Variants in SLC24A2 observed in about 807,000 individuals in gnomAD.
SLC24A2 encodes the protein sodium/potassium/calcium exchanger 2.
A neutral mutation model predicts 62.0 loss-of-function variants in SLC24A2; 36 were observed. That is an observed-to-expected ratio of 0.58 (90% CI 0.44 to 0.77). SLC24A2 has a LOEUF of 0.77. SLC24A2 is among the 30% of genes least tolerant of loss of function. The pLI is 0.00. For synonymous variants in SLC24A2, 358 were observed against 294.0 expected (o/e 1.22, Z -2.23); for missense variants, 846 against 817.9 (o/e 1.03, Z -0.42).
intron 2 of SLC24A2, among the ~76,000 whole-genome samples, chr9:19,652,328 T>C (rs1039288404): frequency 6.6e-6 from 1 of 152,128 alleles, no homozygotes; most frequent in Non-Finnish European, 1.5e-5. Context: ...GTGAATATGT[T>C]TGTTTATATG....
chr9:19,923,178 C>T, the SLC24A2 span, among the ~76,000 whole-genome samples: 1 of 152,036 alleles, frequency 6.6e-6, no homozygotes, highest in African/African-American at 2.4e-5. Flanking sequence ...TTTATAAGGC[C>T]TAGAAGCCTT....
chr9:19,769,689 G>A (rs1465348221), intron 2 of SLC24A2, among the ~76,000 whole-genome samples: 1 of 152,150 alleles, frequency 6.6e-6, no homozygotes, highest in African/African-American at 2.4e-5. Context: ...GTGCATTTGT[G>A]CACTACCCAG....
chr9:19,777,727 A>C (rs1822886329), intron 2 of SLC24A2, among the ~76,000 whole-genome samples: 1 of 152,120 alleles, frequency 6.6e-6, no homozygotes, highest in South Asian at 2.1e-4. Flanking sequence ...GTACATATGC[A>C]TGTGTATATG....
At chr9:19,739,475 A>C (rs1821609250) in intron 2 of SLC24A2, among the ~76,000 whole-genome samples, 1 of 152,236 alleles carries the variant, frequency 6.6e-6, no homozygotes, top group Non-Finnish European at 1.5e-5. Flanking sequence ...TGGTATTAGC[A>C]GAAGGACATA....
intron 1 of SLC24A2, among the ~76,000 whole-genome samples, chr9:19,788,208 T>A (rs1823236312): frequency 6.6e-6 from 1 of 152,206 alleles, no homozygotes; most frequent in Admixed American, 6.5e-5. Flanking sequence ...CTGCTACTCC[T>A]GAGATAACCC....
chr9:20,109,441 G>A, the SLC24A2 span, among the ~76,000 whole-genome samples: 14,101 of 152,056 alleles, frequency 0.093, 1,368 homozygotes, highest in East Asian at 0.52. Context: ...ACTGCAAATG[G>A]CTTATGCCGA....
At chr9:19,530,078 C>CTTTTT (rs11365952) in intron 8 of SLC24A2, among the ~76,000 whole-genome samples, 1 of 124,930 alleles carries the variant, frequency 8.0e-6, no homozygotes, top group Non-Finnish European at 1.7e-5. Context: ...ATAAAAGCAG[C>CTTTTT]TTTTTTTTTT....
At chr9:20,043,423 T>C in the SLC24A2 span, among the ~76,000 whole-genome samples, 1 of 152,232 alleles carries the variant, frequency 6.6e-6, no homozygotes, top group Non-Finnish European at 1.5e-5. Flanking sequence ...ATAGCTGCCA[T>C]AGATAGTGAT....
intron 8 of SLC24A2, among the ~76,000 whole-genome samples, chr9:19,549,160 A>G (rs1834722179): frequency 6.6e-6 from 1 of 152,220 alleles, no homozygotes; most frequent in African/African-American, 2.4e-5. Context: ...TAAAGTAATG[A>G]TAGTAAACAT....
At chr9:19,912,584 G>C in the SLC24A2 span, among the ~76,000 whole-genome samples, 3 of 151,956 alleles carry the variant, frequency 2.0e-5, no homozygotes, top group Admixed American at 6.6e-5. Flanking sequence ...ACCCTCACTT[G>C]GTCACACATT....
the SLC24A2 span, among the ~76,000 whole-genome samples, chr9:19,920,647 G>A: frequency 9.2e-5 from 14 of 152,148 alleles, 1 homozygote; most frequent in African/African-American, 3.4e-4. Context: ...CGTCTCCCTG[G>A]GCATTGGTTG....
chr9:19,865,647 A>G, the SLC24A2 span, among the ~76,000 whole-genome samples: 1 of 152,180 alleles, frequency 6.6e-6, no homozygotes, highest in Non-Finnish European at 1.5e-5. Context: ...GGATATCCAT[A>G]TACAGAAGAA....
the SLC24A2 span, among the ~76,000 whole-genome samples, chr9:20,283,810 A>C: frequency 3.3e-5 from 5 of 151,846 alleles, no homozygotes; most frequent in African/African-American, 1.2e-4. Context: ...CTTTCCCACG[A>C]AAGGTGTAGG....
At chr9:19,699,024 T>C (rs1820279071) in intron 2 of SLC24A2, among the ~76,000 whole-genome samples, 1 of 152,184 alleles carries the variant, frequency 6.6e-6, no homozygotes, top group African/African-American at 2.4e-5. Context: ...TTGGCAAGTG[T>C]CTGGCTTAGA....
the SLC24A2 span, among the ~76,000 whole-genome samples, chr9:20,183,457 G>T: frequency 6.7e-3 from 1,019 of 152,312 alleles, 5 homozygotes; most frequent in African/African-American, 0.019. Flanking sequence ...TTGCTTACTA[G>T]CATGTTGGAG....
chr9:19,896,258 G>A, the SLC24A2 span, among the ~76,000 whole-genome samples: 1 of 152,196 alleles, frequency 6.6e-6, no homozygotes, highest in Non-Finnish European at 1.5e-5. Context: ...ATGTAAATAG[G>A]ATGTACAGCA....
At chr9:19,598,146 CTTG>C (rs1320122404) in intron 4 of SLC24A2, among the ~76,000 whole-genome samples, 2 of 152,174 alleles carry the variant, frequency 1.3e-5, no homozygotes, top group Non-Finnish European at 2.9e-5. Context: ...AACTTTTATC[CTTG>C]TTTGTCTGAA....
At chr9:19,541,774 C>T (rs1392031857) in intron 8 of SLC24A2, among the ~76,000 whole-genome samples, 2 of 148,860 alleles carry the variant, frequency 1.3e-5, no homozygotes, top group Admixed American at 6.7e-5. Flanking sequence ...CCTAAGCAAG[C>T]CTGGGCAATG....
At chr9:19,810,059 A>T in the SLC24A2 span, among the ~76,000 whole-genome samples, 3 of 152,170 alleles carry the variant, frequency 2.0e-5, no homozygotes, top group Non-Finnish European at 2.9e-5. Flanking sequence ...CTCTTGGGGC[A>T]TAGAGGCCAC....
Sources: allele counts gnomAD v4.1 joint callset (sites outside exome capture counted in the v4.1 genomes callset), GRCh38; gene constraint gnomAD v4.1.1; transcripts MANE v1.5; gene names NCBI Gene and HGNC (gene_info 2026-07-23, HGNC 2026-07-21).